Variants in NXPE2 observed in about 807,000 individuals in gnomAD.
The protein encoded by NXPE2 is neurexophilin and PC-esterase domain family member 2.
NXPE2 carries 34 observed loss-of-function variants against 34.4 expected under a neutral mutation model. The observed-to-expected ratio is 0.99, with a 90% CI of 0.75 to 1.31. NXPE2 has a LOEUF of 1.31. NXPE2 is among the 40% of genes most tolerant of loss of function. The pLI is 0.00. For synonymous variants in NXPE2, 235 were observed against 231.3 expected (o/e 1.02, Z -0.15); for missense variants, 649 against 672.5 (o/e 0.97, Z 0.39).
At chr11:114,809,361 AG>A in the NXPE2 span, among the ~76,000 whole-genome samples, 1 of 151,942 alleles carries the variant, frequency 6.6e-6, no homozygotes, top group Non-Finnish European at 1.5e-5. Flanking sequence ...AGGCAGGAGA[AG>A]GAAAGAAAGG....
At chr11:114,558,228 A>T in the NXPE2 span, among the ~76,000 whole-genome samples, 4 of 152,126 alleles carry the variant, frequency 2.6e-5, no homozygotes, top group Non-Finnish European at 4.4e-5. Context: ...ATATATATCC[A>T]TATATATGCA....
At chr11:114,727,558 C>G in the NXPE2 span, among the ~76,000 whole-genome samples, 2 of 152,034 alleles carry the variant, frequency 1.3e-5, no homozygotes, top group East Asian at 1.9e-4. Context: ...AATATAGGAA[C>G]AGATTAATGG....
intron 2 of NXPE2, among the ~76,000 whole-genome samples, chr11:114,690,206 G>A (rs1248199590): frequency 6.6e-6 from 1 of 152,114 alleles, no homozygotes; most frequent in Non-Finnish European, 1.5e-5. Flanking sequence ...GGACGTGTGT[G>A]TGCTTTTGTG....
chr11:114,602,938 A>G, the NXPE2 span, among the ~76,000 whole-genome samples: 7 of 149,720 alleles, frequency 4.7e-5, no homozygotes, highest in Non-Finnish European at 1.0e-4. Flanking sequence ...ATATAATTAC[A>G]GAATCATAAT....
the NXPE2 span, among the ~76,000 whole-genome samples, chr11:114,739,986 T>C: frequency 6.6e-6 from 1 of 152,326 alleles, no homozygotes; most frequent in East Asian, 1.9e-4. Context: ...TGGGGATGTG[T>C]TCCAAGATCC....
At chr11:114,663,251 G>A in the NXPE2 span, among the ~76,000 whole-genome samples, 1 of 152,248 alleles carries the variant, frequency 6.6e-6, no homozygotes, top group East Asian at 1.9e-4. Context: ...TGTGTCTTGT[G>A]GTTTCAGTGC....
At chr11:114,528,892 T>C in the NXPE2 span, 1 of 600,458 alleles carries the variant, frequency 1.7e-6, no homozygotes, top group African/African-American at 1.8e-5. Flanking sequence ...ATAAGGATGG[T>C]TGATGGGTAG....
the NXPE2 span, among the ~76,000 whole-genome samples, chr11:114,637,235 T>C: frequency 6.6e-6 from 1 of 151,878 alleles, no homozygotes; most frequent in Non-Finnish European, 1.5e-5. Context: ...CTTTGTCTCT[T>C]TTGATCTTTG....
chr11:114,537,274 C>T, the NXPE2 span, among the ~76,000 whole-genome samples: 3 of 152,144 alleles, frequency 2.0e-5, no homozygotes, highest in African/African-American at 7.2e-5. Context: ...ATTGATGGGA[C>T]ATATCTCAAA....
At chr11:114,729,587 T>G in the NXPE2 span, among the ~76,000 whole-genome samples, 3 of 152,118 alleles carry the variant, frequency 2.0e-5, no homozygotes, top group African/African-American at 7.2e-5. Flanking sequence ...TTTTTGACTT[T>G]TTAATAATAG....
At chr11:114,530,366 A>G in the NXPE2 span, 3 of 1,614,110 alleles carry the variant, frequency 1.9e-6, no homozygotes, top group Non-Finnish European at 2.5e-6. Flanking sequence ...TGAAGACATG[A>G]GAGGTGCCAT....
upstream of NXPE2, among the ~76,000 whole-genome samples, chr11:114,674,140 C>G (rs1950832140): frequency 6.6e-6 from 1 of 151,384 alleles, no homozygotes; most frequent in Admixed American, 6.6e-5. Context: ...TGAACAAAAC[C>G]TGCTAAGGAA....
the NXPE2 span, chr11:114,571,214 A>G: frequency 0.13 from 212,151 of 1,613,936 alleles, 15,894 homozygotes; most frequent in South Asian, 0.23. Flanking sequence ...CTTTGTGGAC[A>G]TTGAGGGCCC....
At chr11:114,612,907 C>T in the NXPE2 span, among the ~76,000 whole-genome samples, 1 of 151,974 alleles carries the variant, frequency 6.6e-6, no homozygotes, top group Non-Finnish European at 1.5e-5. Flanking sequence ...AGCACTGTTA[C>T]CCGGTGGATA....
chr11:114,550,535 A>G, the NXPE2 span, among the ~76,000 whole-genome samples: 1 of 152,196 alleles, frequency 6.6e-6, no homozygotes, highest in African/African-American at 2.4e-5. Flanking sequence ...AAAAAGTTAA[A>G]TGAGATTGAT....
chr11:114,678,488 G>T, upstream of NXPE2: 1 of 1,059,468 alleles, frequency 9.4e-7, no homozygotes, highest in South Asian at 1.5e-5. Context: ...GAAGCTCATA[G>T]GGAAACTCCA....
the NXPE2 span, among the ~76,000 whole-genome samples, chr11:114,608,320 G>A: frequency 2.6e-5 from 4 of 151,806 alleles, no homozygotes; most frequent in African/African-American, 4.8e-5. Flanking sequence ...GGTAACCAGT[G>A]TTACTTGCTG....
At chr11:114,600,166 T>C in the NXPE2 span, among the ~76,000 whole-genome samples, 1 of 152,190 alleles carries the variant, frequency 6.6e-6, no homozygotes, top group Non-Finnish European at 1.5e-5. Flanking sequence ...AATATATTTA[T>C]AATTTCAAAG....
At chr11:114,602,363 T>A in the NXPE2 span, among the ~76,000 whole-genome samples, 1 of 127,388 alleles carries the variant, frequency 7.9e-6, no homozygotes, top group East Asian at 2.2e-4. Context: ...ATATATAATA[T>A]GTTATATACA....
Sources: allele counts gnomAD v4.1 joint callset (sites outside exome capture counted in the v4.1 genomes callset), GRCh38; gene constraint gnomAD v4.1.1; transcripts MANE v1.5; gene names NCBI Gene and HGNC (gene_info 2026-07-23, HGNC 2026-07-21).